The following ADGRB3 variants were observed in gnomAD, a reference collection of about 807,000 sequenced individuals.
ADGRB3 encodes the protein adhesion G protein-coupled receptor B3.
In ADGRB3, 37 loss-of-function variants were observed where a neutral mutation model predicts 193.4. The observed-to-expected ratio is 0.19, with a 90% confidence interval of 0.15 to 0.25. The LOEUF is 0.25. Among genes scored for constraint, ADGRB3 ranks in the 10% least tolerant of loss-of-function variants. The pLI, the probability that ADGRB3 is intolerant of heterozygous loss-of-function variation, is 1.00. For missense variants in ADGRB3, 1,637 were observed against 1,852.9 expected (o/e 0.88, Z 2.14); for synonymous variants, 690 against 644.2 (o/e 1.07, Z -1.08).
intron 17 of ADGRB3, among the ~76,000 whole-genome samples, chr6:69,120,705 T>C (rs1237035577): frequency 6.6e-6 from 1 of 152,148 alleles, no homozygotes; most frequent in Non-Finnish European, 1.5e-5. Flanking sequence ...TGCAACACAG[T>C]TTACCTCTTT....
At chr6:69,094,185 A>G (rs1355324825) in intron 17 of ADGRB3, among the ~76,000 whole-genome samples, 1 of 152,122 alleles carries the variant, frequency 6.6e-6, no homozygotes, top group Non-Finnish European at 1.5e-5. Flanking sequence ...GGGAAGGAGA[A>G]AAGTTGAGAA....
intron 6 of ADGRB3, among the ~76,000 whole-genome samples, chr6:68,948,195 C>T (rs1453413849): frequency 1.3e-5 from 2 of 152,110 alleles, no homozygotes; most frequent in Admixed American, 6.5e-5. Context: ...TTGTGAGTTG[C>T]ACTGTGACCT....
At chr6:68,806,202 A>G (rs185400802) in intron 3 of ADGRB3, among the ~76,000 whole-genome samples, 77 of 152,350 alleles carry the variant, frequency 5.1e-4, no homozygotes, top group African/African-American at 1.8e-3. Context: ...CAAGATAAAA[A>G]CAATAACCTC....
Position 68,927,582 on chromosome 6 carries a change from G to A in ADGRB3, c.758-2977G>A, listed in dbSNP as rs533773471. ...TATCTGTTAAATCTTACTGTTAATAGCAACTCTAAAACAAAGAAGATTTTT... is the reference window on the plus strand; with the variant it reads ...TATCTGTTAAATCTTACTGTTAATAACAACTCTAAAACAAAGAAGATTTTT... On this transcript the variant is annotated intron_variant, in intron 3 of 31. Coordinates refer to ENST00000370598, the MANE Select transcript of ADGRB3 (RefSeq NM_001704.3). Among the ~76,000 whole-genome samples the A allele has an allele frequency of 2.0e-5, 3 of 152,182 alleles. No homozygotes were observed. In the East Asian group the frequency reaches 5.8e-4, roughly 29 times the overall value.
chr6:69,116,763 C>T (rs1019333810), intron 17 of ADGRB3, among the ~76,000 whole-genome samples: 3 of 152,150 alleles, frequency 2.0e-5, no homozygotes, highest in Non-Finnish European at 4.4e-5. Flanking sequence ...TTAGCAAACC[C>T]ATTATCCTTG....
At chr6:69,219,488 TATATAC>T (rs1259060534) in intron 17 of ADGRB3, among the ~76,000 whole-genome samples, 11 of 125,864 alleles carry the variant, frequency 8.7e-5, no homozygotes, top group African/African-American at 3.4e-4. Flanking sequence ...TATATATATA[TATATAC>T]GTGTGTGTGT....
At chr6:69,127,818 T>G (rs2150332790) in intron 17 of ADGRB3, among the ~76,000 whole-genome samples, 1 of 152,240 alleles carries the variant, frequency 6.6e-6, no homozygotes, top group African/African-American at 2.4e-5. Context: ...GTTAAAACTA[T>G]ACTACATGAA....
chr6:69,365,687 T>C (rs1189704329), intron 29 of ADGRB3, among the ~76,000 whole-genome samples: 1 of 152,108 alleles, frequency 6.6e-6, no homozygotes, highest in African/African-American at 2.4e-5. Context: ...CCTATATGTC[T>C]GAAACCAAAT....
At chr6:68,717,603 G>A (rs944930720) in intron 3 of ADGRB3, among the ~76,000 whole-genome samples, 7 of 151,424 alleles carry the variant, frequency 4.6e-5, no homozygotes, top group Non-Finnish European at 8.9e-5. Flanking sequence ...AGCGCTGGAA[G>A]CACCATTTTT....
At chr6:69,073,410 A>G (rs952571272) in intron 16 of ADGRB3, among the ~76,000 whole-genome samples, 1 of 152,120 alleles carries the variant, frequency 6.6e-6, no homozygotes, top group African/African-American at 2.4e-5. Context: ...TAGTTCAGCT[A>G]AGAGCCGGGT....
At chr6:69,230,878 TACTC>T (rs1766120192) in intron 17 of ADGRB3, among the ~76,000 whole-genome samples, 1 of 152,234 alleles carries the variant, frequency 6.6e-6, no homozygotes, top group South Asian at 2.1e-4. Flanking sequence ...CATTAAGCTG[TACTC>T]ACTCACTCAG....
intron 3 of ADGRB3, among the ~76,000 whole-genome samples, chr6:68,674,320 ACGG>A (rs1769032929): frequency 6.6e-6 from 1 of 152,190 alleles, no homozygotes; most frequent in African/African-American, 2.4e-5. Flanking sequence ...AAAATTTTAG[ACGG>A]CATGAAACAT....
At chr6:68,889,429 CCA>C (rs1766008416) in intron 3 of ADGRB3, among the ~76,000 whole-genome samples, 1 of 152,020 alleles carries the variant, frequency 6.6e-6, no homozygotes, top group Admixed American at 6.6e-5. Flanking sequence ...GGTAATATGT[CCA>C]CATTTTAGAT....
intron 3 of ADGRB3, among the ~76,000 whole-genome samples, chr6:68,827,917 G>T (rs987280502): frequency 2.6e-5 from 4 of 152,068 alleles, no homozygotes; most frequent in Non-Finnish European, 4.4e-5. Flanking sequence ...CTTACCCCAT[G>T]GTTTCCTTCA....
chr6:68,745,548 A>T (rs1156309128), intron 3 of ADGRB3, among the ~76,000 whole-genome samples: 1 of 152,112 alleles, frequency 6.6e-6, no homozygotes, highest in Non-Finnish European at 1.5e-5. Context: ...AAAAATAATT[A>T]GTAAAGTTTG....
At chr6:69,342,311 C>T (rs1768990406) in intron 26 of ADGRB3, among the ~76,000 whole-genome samples, 1 of 152,084 alleles carries the variant, frequency 6.6e-6, no homozygotes, top group Non-Finnish European at 1.5e-5. Flanking sequence ...TCATAACACT[C>T]TTTAGCTCCA....
intron 17 of ADGRB3, among the ~76,000 whole-genome samples, chr6:69,142,175 A>T (rs1774360583): frequency 6.6e-6 from 1 of 152,120 alleles, no homozygotes; most frequent in African/African-American, 2.4e-5. Context: ...TCAAGTGGTT[A>T]AACCGACCTG....
chr6:69,109,501 C>T (rs190750974), intron 17 of ADGRB3, among the ~76,000 whole-genome samples: 3 of 152,268 alleles, frequency 2.0e-5, no homozygotes, highest in Admixed American at 6.5e-5. Flanking sequence ...TACTAGAAAA[C>T]ATGCCTTCAA....
chr6:68,882,798 G>A (rs573907250), intron 3 of ADGRB3, among the ~76,000 whole-genome samples: 11 of 152,166 alleles, frequency 7.2e-5, no homozygotes, highest in South Asian at 2.1e-4. Flanking sequence ...GAAATAATGT[G>A]ATATGAAAGA....
Sources: gnomAD v4.1 joint callset for allele counts (sites outside exome capture counted in the v4.1 genomes callset) on GRCh38, gnomAD v4.1.1 for gene constraint, MANE v1.5 for transcripts, NCBI Gene and HGNC (gene_info 2026-07-23, HGNC 2026-07-21) for gene names.